TLL1: variants seen among roughly 807,000 people sequenced by gnomAD.
TLL1 encodes tolloid like 1.
In TLL1, 49 loss-of-function variants were observed where a neutral mutation model predicts 128.2. The observed-to-expected ratio is 0.38, with a 90% confidence interval of 0.30 to 0.48. The LOEUF is 0.48. Ranked by LOEUF, TLL1 falls within the 20% of genes least tolerant of loss-of-function variation. TLL1 has a pLI of 0.96. For missense variants in TLL1, 1,123 were observed against 1,242.0 expected, an observed-to-expected ratio of 0.90 and a Z score of 1.44; for synonymous variants, 454 against 418.8, an observed-to-expected ratio of 1.08 and a Z score of -1.03.
chr4:166,094,084 A>G (rs1391331950), intron 19 of TLL1, among the ~76,000 whole-genome samples: 2 of 152,114 alleles, frequency 1.3e-5, no homozygotes, highest in African/African-American at 4.8e-5. Flanking sequence ...TCTTTTCCCT[A>G]CAGTCATGTA....
At chr4:166,000,968 C>A (rs572811935) in intron 5 of TLL1, among the ~76,000 whole-genome samples, 48 of 151,082 alleles carry the variant, frequency 3.2e-4, no homozygotes, top group Non-Finnish European at 4.3e-4. Context: ...ATCTAACTGG[C>A]GTAGTATGGA....
chr4:165,971,125 T>C (rs1735609463), intron 1 of TLL1, among the ~76,000 whole-genome samples: 1 of 152,218 alleles, frequency 6.6e-6, no homozygotes, highest in African/African-American at 2.4e-5. Context: ...GTGATTATAA[T>C]TATTCTTCAC....
intron 9 of TLL1, among the ~76,000 whole-genome samples, chr4:166,029,512 G>T (rs544917401): frequency 6.6e-6 from 1 of 151,828 alleles, no homozygotes; most frequent in Admixed American, 6.6e-5. Flanking sequence ...TATTATTGTG[G>T]TAAAAACTAC....
chr4:166,094,632 T>C (rs187414378), intron 19 of TLL1, among the ~76,000 whole-genome samples: 1 of 152,180 alleles, frequency 6.6e-6, no homozygotes, highest in African/African-American at 2.4e-5. Flanking sequence ...AAGAAGTTAA[T>C]AACAGTTGAA....
chr4:165,917,129 CT>C (rs1188042016), intron 1 of TLL1, among the ~76,000 whole-genome samples: 1 of 151,938 alleles, frequency 6.6e-6, no homozygotes, highest in African/African-American at 2.4e-5. Flanking sequence ...GAATATCTTC[CT>C]TTGAAAGTTC....
chr4:165,959,319 C>T (rs904396738), intron 1 of TLL1, among the ~76,000 whole-genome samples: 5 of 152,038 alleles, frequency 3.3e-5, no homozygotes, highest in African/African-American at 4.8e-5. Context: ...GCCATTTTCA[C>T]GATGTTGATT....
In TLL1 at chr4:166,001,375, T is replaced by G. The variant is rs142882329; in HGVS notation, c.633-2016T>G. Among the ~76,000 whole-genome samples the G allele has an allele frequency of 4.4e-4, 67 of 152,308 alleles. No homozygotes were observed. The East Asian group carries it at 0.013, about 29-fold the overall frequency. On this transcript the variant is annotated intron_variant, in intron 5 of 20. Transcript: ENST00000061240. ...AATTTATTTTAAAGTGGGCATCCTG[T>G]GTGCTCAGTCTTTCCCACCCTGTGT...
chr4:165,884,696 C>A (rs971930364), intron 1 of TLL1, among the ~76,000 whole-genome samples: 3 of 152,076 alleles, frequency 2.0e-5, no homozygotes, highest in Non-Finnish European at 4.4e-5. Flanking sequence ...ATTAGCCAGG[C>A]ATGGTGGTGA....
intron 1 of TLL1, among the ~76,000 whole-genome samples, chr4:165,925,044 C>T (rs1217317409): frequency 6.6e-6 from 1 of 152,180 alleles, no homozygotes; most frequent in African/African-American, 2.4e-5. Context: ...TGCTCATTGG[C>T]AATGTAGCTT....
At chr4:166,064,827 CTAT>C (rs1474306875) in intron 15 of TLL1, among the ~76,000 whole-genome samples, 3 of 152,082 alleles carry the variant, frequency 2.0e-5, no homozygotes, top group Non-Finnish European at 4.4e-5. Context: ...TATTCATCAC[CTAT>C]TTAGTAGCAG....
At chr4:166,063,790 A>G (rs1188774173) in intron 15 of TLL1, among the ~76,000 whole-genome samples, 1 of 152,148 alleles carries the variant, frequency 6.6e-6, no homozygotes, top group Admixed American at 6.6e-5. Flanking sequence ...GAATTGAACA[A>G]TGAGAACACT....
intron 7 of TLL1, among the ~76,000 whole-genome samples, chr4:166,013,287 T>C (rs1182082965): frequency 6.6e-6 from 1 of 151,892 alleles, no homozygotes; most frequent in Non-Finnish European, 1.5e-5. Flanking sequence ...TTAATGTCTC[T>C]TTCCTCATAT....
chr4:166,019,130 A>G (rs1738091391), intron 8 of TLL1, among the ~76,000 whole-genome samples: 1 of 152,172 alleles, frequency 6.6e-6, no homozygotes, highest in Non-Finnish European at 1.5e-5. Flanking sequence ...GTCATAAAAA[A>G]TAATGAAATC....
intron 1 of TLL1, among the ~76,000 whole-genome samples, chr4:165,879,224 G>A (rs140674480): frequency 8.5e-5 from 13 of 152,176 alleles, no homozygotes; most frequent in African/African-American, 3.1e-4. Context: ...GGCATTACAG[G>A]CGTGAGCACC....
chr4:166,064,075 C>G (rs1447409590), intron 15 of TLL1, among the ~76,000 whole-genome samples: 1 of 151,580 alleles, frequency 6.6e-6, no homozygotes, highest in Non-Finnish European at 1.5e-5. Flanking sequence ...GCCATTTGAG[C>G]TTCTTTTTAA....
At position 166,036,118 on chromosome 4, in the gene TLL1, C is replaced by A. The variant is rs866349194; in HGVS notation, c.1159-3221C>A. On this transcript the variant is annotated intron_variant, in intron 9 of 20. Coordinates refer to ENST00000061240, the MANE Select transcript of TLL1 (RefSeq NM_012464.5). ...GCTAATTGGCTTTTTTTGTGGTGCT[C>A]ATGGAATTTGTTTAGGTAGCCAATA... 3.3e-5 allele frequency among the ~76,000 whole-genome samples: 5 copies of A among 151,982 alleles called. No individual in the cohort carries two copies. In the South Asian group the frequency reaches 1.0e-3, roughly 32 times the overall value.
intron 1 of TLL1, among the ~76,000 whole-genome samples, chr4:165,941,510 C>T (rs75540250): frequency 0.036 from 5,434 of 152,118 alleles, 284 homozygotes; most frequent in African/African-American, 0.12. Context: ...GACAAGCTTG[C>T]TGAATGGATG....
At chr4:166,062,313 T>A (rs1371933679) in intron 15 of TLL1, among the ~76,000 whole-genome samples, 7 of 152,216 alleles carry the variant, frequency 4.6e-5, no homozygotes, top group Admixed American at 3.3e-4. Flanking sequence ...TTGGGCAGTA[T>A]AGCCATTTTC....
chr4:165,880,426 A>C (rs1416996695), intron 1 of TLL1, among the ~76,000 whole-genome samples: 1 of 152,238 alleles, frequency 6.6e-6, no homozygotes, highest in East Asian at 1.9e-4. Context: ...AGTTTAAGCT[A>C]AAACAAATGC....
Sources: gnomAD v4.1 joint callset for allele counts (sites outside exome capture counted in the v4.1 genomes callset) on GRCh38, gnomAD v4.1.1 for gene constraint, MANE v1.5 for transcripts, NCBI Gene and HGNC (gene_info 2026-07-23, HGNC 2026-07-21) for gene names.